The following SWAP70 variants were observed in gnomAD, a reference collection of about 807,000 sequenced individuals.
SWAP70 encodes switching B cell complex subunit SWAP70.
SWAP70 carries 34 observed loss-of-function variants against 80.2 expected under a neutral mutation model. The ratio of observed to expected loss-of-function variants is 0.42; its 90% confidence interval spans 0.32 to 0.56. The LOEUF is 0.56. SWAP70 is among the 20% of genes least tolerant of loss of function. SWAP70 has a pLI of 0.09. For synonymous variants in SWAP70, 239 were observed against 238.5 expected, an observed-to-expected ratio of 1.00 and a Z score of -0.02; for missense variants, 578 against 690.7, an observed-to-expected ratio of 0.84 and a Z score of 1.83.
chr11:9,681,500 T>TA (rs1248579047), intron 1 of SWAP70, among the ~76,000 whole-genome samples: 1 of 152,224 alleles, frequency 6.6e-6, no homozygotes, highest in East Asian at 1.9e-4. Flanking sequence ...ATGGCAGAGA[T>TA]ACGGTTTTAA....
intron 3 of SWAP70, among the ~76,000 whole-genome samples, chr11:9,716,178 A>T (rs1469053298): frequency 6.6e-6 from 1 of 152,202 alleles, no homozygotes; most frequent in East Asian, 1.9e-4. Context: ...GTGTGGAAAG[A>T]TGAGCCACTG....
chr11:9,705,559 T>G (rs867029794), intron 2 of SWAP70, among the ~76,000 whole-genome samples: 29 of 122,412 alleles, frequency 2.4e-4, no homozygotes, highest in African/African-American at 6.1e-4. Context: ...GTGTACACTT[T>G]GTGATCTGTA....
At chr11:9,713,869 TATG>T (rs1851031386) in intron 3 of SWAP70, among the ~76,000 whole-genome samples, 2 of 152,340 alleles carry the variant, frequency 1.3e-5, no homozygotes, top group Non-Finnish European at 2.9e-5. Flanking sequence ...TCTAAATGGC[TATG>T]ATGATAAGTG....
chr11:9,713,497 A>G lies in SWAP70; in HGVS notation c.272A>G (p.Asn91Ser), dbSNP rs779816655. Residue 91 changes from asparagine to serine, a missense_variant, in exon 3 of 12, where the codon AAT (asparagine) becomes AGT (serine). Coordinates refer to ENST00000318950, the MANE Select transcript of SWAP70 (RefSeq NM_015055.4). ...VQDNFDKIEF[N>S]RMCWTLCVKK... Reference sequence around the variant, plus strand: ...GACAACTTTGACAAGATTGAATTCAATAGGATGTGTTGGACCCTCTGTGTC... The same window carrying G: ...GACAACTTTGACAAGATTGAATTCAGTAGGATGTGTTGGACCCTCTGTGTC... The G allele has an allele frequency of 9.9e-6, 16 of 1,613,108 alleles. No individual in the cohort carries two copies. The highest frequency in any genetic ancestry group is 6.7e-5 in the East Asian group (3 of 44,846).
chr11:9,703,568 C>G (rs1850860920), intron 2 of SWAP70: 2 of 450,114 alleles, frequency 4.4e-6, no homozygotes. Context: ...CAGAGCTAAC[C>G]AGCTCTCCTA....
At chr11:9,728,921 T>C (rs1851260215) in intron 5 of SWAP70, among the ~76,000 whole-genome samples, 1 of 152,210 alleles carries the variant, frequency 6.6e-6, no homozygotes, top group South Asian at 2.1e-4. Context: ...AACCACGGGT[T>C]GCCAGCCACA....
chr11:9,749,867 C>A lies in SWAP70; in HGVS notation c.1655C>A (p.Ser552Ter). Residue 552 changes from serine (S) to a stop codon, truncating the protein, a stop_gained, in exon 12 of 12, where the codon TCA becomes TAA. Coordinates refer to ENST00000318950, the MANE Select transcript of SWAP70 (RefSeq NM_015055.4). LOFTEE classifies it high-confidence loss of function. ...EGLIRLIEPG[S>*]KNPHLITNWG... ...TTAAAGCATGTTTGCCTCTTAGGTT[C>A]AAAGAACCCTCACCTGATCACTAAC... The A allele has an allele frequency of 6.2e-7, 1 of 1,609,498 alleles. No homozygotes were observed. Among genetic ancestry groups the A allele is most frequent in the South Asian group, 1.1e-5 (1 of 90,956 alleles).
intron 6 of SWAP70, among the ~76,000 whole-genome samples, chr11:9,730,327 TAAAAAA>T (rs58068637): frequency 7.3e-6 from 1 of 136,930 alleles, no homozygotes; most frequent in Admixed American, 7.3e-5. Context: ...CGTCTCTACT[TAAAAAA>T]AAAAAAAAAA....
intron 2 of SWAP70, among the ~76,000 whole-genome samples, chr11:9,701,254 C>T (rs138176064): frequency 3.6e-4 from 54 of 151,902 alleles, no homozygotes; most frequent in African/African-American, 1.3e-3. Context: ...TCACTGCAAC[C>T]TCCGCCTTCT....
intron 2 of SWAP70, among the ~76,000 whole-genome samples, chr11:9,711,518 A>G (rs1261826150): frequency 6.6e-6 from 1 of 152,250 alleles, no homozygotes; most frequent in Non-Finnish European, 1.5e-5. Flanking sequence ...TGGAAAGTTC[A>G]GGTACTCATT....
At chr11:9,749,050 G>A (rs757815889) in intron 10 of SWAP70, 37 bp from the exon 11 acceptor site, 15 of 1,390,354 alleles carry the variant, frequency 1.1e-5, no homozygotes, top group East Asian at 2.3e-5. Context: ...TAAACTACCC[G>A]TGTGTCTGCA....
intron 3 of SWAP70, chr11:9,720,260 C>T (rs990377618): frequency 2.2e-5 from 22 of 985,254 alleles, no homozygotes; most frequent in Non-Finnish European, 2.7e-5. Flanking sequence ...GATTAGTTGT[C>T]TGGCACAGTC....
chr11:9,666,263 T>G (rs1344383465), intron 1 of SWAP70, among the ~76,000 whole-genome samples: 1 of 152,042 alleles, frequency 6.6e-6, no homozygotes. Flanking sequence ...TTTTTGTATT[T>G]TTAGTAGAAA....
chr11:9,734,442 G>A (rs1365498397), intron 7 of SWAP70, among the ~76,000 whole-genome samples: 2 of 152,158 alleles, frequency 1.3e-5, no homozygotes, highest in South Asian at 4.1e-4. Context: ...GTGTTAGCAA[G>A]CTGTAGACCT....
intron 3 of SWAP70, among the ~76,000 whole-genome samples, chr11:9,722,612 A>G (rs1222156867): frequency 1.3e-5 from 2 of 152,208 alleles, no homozygotes; most frequent in Non-Finnish European, 1.5e-5. Flanking sequence ...CGTTTTGAGT[A>G]GGAATATTCT....
At chr11:9,667,412 A>C (rs1850322243) in intron 1 of SWAP70, among the ~76,000 whole-genome samples, 1 of 151,632 alleles carries the variant, frequency 6.6e-6, no homozygotes, top group Non-Finnish European at 1.5e-5. Flanking sequence ...CACCATGCTC[A>C]GTTCATTTTT....
intron 6 of SWAP70, among the ~76,000 whole-genome samples, chr11:9,731,995 T>A (rs1052155031): frequency 3.3e-5 from 5 of 152,224 alleles, no homozygotes; most frequent in African/African-American, 4.8e-5. Flanking sequence ...TTATTTTATT[T>A]TTAAAATAAA....
At chr11:9,714,048 T>C (rs1484522399) in intron 3 of SWAP70, among the ~76,000 whole-genome samples, 2 of 152,234 alleles carry the variant, frequency 1.3e-5, no homozygotes. Flanking sequence ...ATACTATTCT[T>C]GTTTCAAAGT....
At chr11:9,718,046 G>A (rs759012762) in intron 3 of SWAP70, among the ~76,000 whole-genome samples, 1 of 152,262 alleles carries the variant, frequency 6.6e-6, no homozygotes, top group South Asian at 2.1e-4. Flanking sequence ...CTTGATGTGC[G>A]TTTCTGTAGG....
Sources: allele counts gnomAD v4.1 joint callset (sites outside exome capture counted in the v4.1 genomes callset), GRCh38; gene constraint gnomAD v4.1.1; transcripts MANE v1.5; gene names NCBI Gene and HGNC (gene_info 2026-07-23, HGNC 2026-07-21).